The following C9orf85 variants were observed in gnomAD, a reference collection of about 807,000 sequenced individuals.
The protein encoded by C9orf85 is uncharacterized protein C9orf85.
A neutral mutation model predicts 14.9 loss-of-function variants in C9orf85; 16 were observed. The ratio of observed to expected loss-of-function variants is 1.08; its 90% CI spans 0.73 to 1.63. C9orf85 has a LOEUF of 1.63. Among genes scored for constraint, C9orf85 ranks in the 40% most tolerant of loss-of-function variants. The pLI, the probability that C9orf85 is intolerant of heterozygous loss-of-function variation, is 0.00. For missense variants in C9orf85, 172 were observed against 186.1 expected (o/e 0.92, Z 0.44); for synonymous variants, 45 against 56.8 (o/e 0.79, Z 0.93).
At chr9:71,922,448 C>G (rs1442385131) in intron 1 of C9orf85, among the ~76,000 whole-genome samples, 1 of 152,172 alleles carries the variant, frequency 6.6e-6, no homozygotes, top group Non-Finnish European at 1.5e-5. Flanking sequence ...CTTGCCCTAC[C>G]TGGCTATTCC....
At chr9:71,934,411 T>A (rs1321075560) in intron 1 of C9orf85, among the ~76,000 whole-genome samples, 1 of 152,198 alleles carries the variant, frequency 6.6e-6, no homozygotes. Flanking sequence ...TTGTTTGGCG[T>A]CTTGCAATAA....
chr9:71,960,261 A>G (rs1397508722), intron 2 of C9orf85, among the ~76,000 whole-genome samples: 1 of 152,218 alleles, frequency 6.6e-6, no homozygotes, highest in Non-Finnish European at 1.5e-5. Context: ...ACTTTCATAG[A>G]CAATACAGAT....
chr9:71,917,024 A>G (rs1827667731), intron 1 of C9orf85, among the ~76,000 whole-genome samples: 2 of 152,222 alleles, frequency 1.3e-5, no homozygotes, highest in African/African-American at 4.8e-5. Context: ...TTAGAGGTGA[A>G]TGACATGCCC....
At chr9:71,949,014 T>C (rs941091304) in intron 2 of C9orf85, among the ~76,000 whole-genome samples, 1 of 152,256 alleles carries the variant, frequency 6.6e-6, no homozygotes, top group Non-Finnish European at 1.5e-5. Context: ...TTGTGTTCTC[T>C]GCTAGAGTAA....
chr9:71,916,285 A>AAT (rs1239691669), intron 1 of C9orf85, among the ~76,000 whole-genome samples: 7 of 152,114 alleles, frequency 4.6e-5, no homozygotes, highest in East Asian at 1.9e-4. Flanking sequence ...TGCTATTAAT[A>AAT]ATATATATAT....
At chr9:71,961,380 G>C (rs1822519518) in intron 2 of C9orf85, among the ~76,000 whole-genome samples, 1 of 151,954 alleles carries the variant, frequency 6.6e-6, no homozygotes, top group Admixed American at 6.6e-5. Flanking sequence ...GCCAACATAA[G>C]TGAAACCCTG....
chr9:71,961,704 C>A (rs1483292262), intron 2 of C9orf85, among the ~76,000 whole-genome samples: 4 of 152,148 alleles, frequency 2.6e-5, no homozygotes. Context: ...TGCCCACAAC[C>A]ATGGTCTTAC....
intron 2 of C9orf85, among the ~76,000 whole-genome samples, chr9:71,957,167 ATTAT>A (rs1281135537): frequency 6.6e-6 from 1 of 152,128 alleles, no homozygotes; most frequent in Non-Finnish European, 1.5e-5. Context: ...TAGCAATGTG[ATTAT>A]TTATCCAGTT....
At chr9:71,945,748 C>T (rs1012092376) in intron 1 of C9orf85, among the ~76,000 whole-genome samples, 1 of 152,156 alleles carries the variant, frequency 6.6e-6, no homozygotes, top group African/African-American at 2.4e-5. Context: ...ATCTAATAGC[C>T]TCCCAAAGAA....
At chr9:71,979,008 C>T (rs1854281736) in intron 3 of C9orf85, among the ~76,000 whole-genome samples, 2 of 152,142 alleles carry the variant, frequency 1.3e-5, no homozygotes, top group African/African-American at 4.8e-5. Flanking sequence ...GCACTCCAGC[C>T]TGGCAACAGA....
chr9:71,982,780 C>A (rs745453090), exon 4 of C9orf85: 4 of 341,338 alleles, frequency 1.2e-5, no homozygotes, highest in Non-Finnish European at 1.7e-5. Flanking sequence ...GGACTACAGG[C>A]GCACACCACC....
chr9:71,984,390 A>G (rs987512098), downstream of C9orf85: 8 of 152,230 alleles, frequency 5.3e-5, 1 homozygote, highest in African/African-American at 1.9e-4. Context: ...CATTGGTAGA[A>G]TAAATCTGCT....
intron 2 of C9orf85, among the ~76,000 whole-genome samples, chr9:71,963,588 G>C (rs1822588614): frequency 6.6e-6 from 1 of 152,218 alleles, no homozygotes; most frequent in Non-Finnish European, 1.5e-5. Flanking sequence ...TTGCGGGCCA[G>C]CTGGAGTTCC....
chr9:71,941,984 A>G (rs1821945425), intron 1 of C9orf85: 1 of 152,238 alleles, frequency 6.6e-6, no homozygotes, highest in African/African-American at 2.4e-5. Context: ...TGTATGCATT[A>G]GTATTATTGT....
At chr9:71,962,799 T>TA (rs1822555296) in intron 2 of C9orf85, among the ~76,000 whole-genome samples, 1 of 152,190 alleles carries the variant, frequency 6.6e-6, no homozygotes, top group African/African-American at 2.4e-5. Context: ...CTCATGCTTG[T>TA]AATCCTAGCA....
chr9:71,955,699 G>T (rs912597414), intron 2 of C9orf85, among the ~76,000 whole-genome samples: 2 of 152,136 alleles, frequency 1.3e-5, no homozygotes, highest in Non-Finnish European at 2.9e-5. Context: ...CTTAAAATAT[G>T]TACCCAGGCA....
chr9:71,915,705 T>A (rs1359700769), intron 1 of C9orf85, among the ~76,000 whole-genome samples: 1 of 152,216 alleles, frequency 6.6e-6, no homozygotes, highest in African/African-American at 2.4e-5. Context: ...GTTAACACTT[T>A]GATGTGTACA....
At chr9:71,952,248 C>T (rs1040383767) in intron 2 of C9orf85, among the ~76,000 whole-genome samples, 1 of 152,212 alleles carries the variant, frequency 6.6e-6, no homozygotes, top group Non-Finnish European at 1.5e-5. Context: ...TTCACCTGGA[C>T]CTAATGCTTC....
chr9:71,956,201 C>T (rs959503437), intron 2 of C9orf85, among the ~76,000 whole-genome samples: 2 of 148,646 alleles, frequency 1.3e-5, no homozygotes, highest in Non-Finnish European at 3.0e-5. Context: ...TGCTAATAAG[C>T]ATTGGGTATC....
Sources: gnomAD v4.1 joint callset for allele counts (sites outside exome capture counted in the v4.1 genomes callset) on GRCh38, gnomAD v4.1.1 for gene constraint, MANE v1.5 for transcripts, NCBI Gene and HGNC (gene_info 2026-07-23, HGNC 2026-07-21) for gene names.